The following BICC1 variants were observed in gnomAD, a reference collection of about 807,000 sequenced individuals.
BICC1 encodes the protein BicC family RNA binding protein 1.
A neutral mutation model predicts 111.0 loss-of-function variants in BICC1; 43 were observed. The ratio of observed to expected loss-of-function variants is 0.39; its 90% CI spans 0.30 to 0.50. The LOEUF is 0.50. BICC1 is among the 20% of genes least tolerant of loss of function. The pLI is 0.88. For synonymous variants in BICC1, 467 were observed against 434.4 expected (o/e 1.07, Z -0.93); for missense variants, 1,091 against 1,203.2 (o/e 0.91, Z 1.38).
intron 1 of BICC1, among the ~76,000 whole-genome samples, chr10:58,610,985 T>C (rs1413701830): frequency 6.6e-6 from 1 of 152,220 alleles, no homozygotes; most frequent in Non-Finnish European, 1.5e-5. Flanking sequence ...AAGCCTAAGA[T>C]CTATACCTGG....
intron 3 of BICC1, among the ~76,000 whole-genome samples, chr10:58,780,421 T>TA (rs1481275818): frequency 6.6e-6 from 1 of 152,188 alleles, no homozygotes; most frequent in Non-Finnish European, 1.5e-5. Context: ...GTGGAAGACA[T>TA]ACTGTGAATT....
intron 9 of BICC1, among the ~76,000 whole-genome samples, chr10:58,794,479 T>C (rs1341530720): frequency 6.6e-6 from 1 of 151,186 alleles, no homozygotes; most frequent in African/African-American, 2.4e-5. Flanking sequence ...AGTACAGTGG[T>C]GTGATCGTGG....
intron 3 of BICC1, among the ~76,000 whole-genome samples, chr10:58,755,294 C>T (rs994204743): frequency 2.6e-5 from 4 of 152,148 alleles, no homozygotes; most frequent in Admixed American, 1.3e-4. Flanking sequence ...CTATTTCCTG[C>T]GCTATTGTTT....
intron 1 of BICC1, among the ~76,000 whole-genome samples, chr10:58,616,575 G>T (rs1252197881): frequency 1.3e-5 from 2 of 152,170 alleles, no homozygotes; most frequent in Non-Finnish European, 2.9e-5. Context: ...GCCACATGTG[G>T]AGTTGACAGT....
chr10:58,798,550 A>T lies in BICC1; in HGVS notation c.1518A>T (p.Ser506=), dbSNP rs1843433490. The change falls in exon 11 of 21, where the codon TCA becomes TCT. Residue 506 remains serine (S), a synonymous_variant. Coordinates refer to ENST00000373886, the MANE Select transcript of BICC1 (RefSeq NM_001080512.3). ...TLWAPPLANT[S]SATGFSAIPH... ...GGGCACCCCCACTTGCTAATACTTC[A>T]AGTGCCACAGGTCAGTATCATTTAA... 1 of 1,606,972 alleles carries T rather than the reference A, an allele frequency of 6.2e-7. No homozygotes were observed. The highest frequency in any genetic ancestry group is 1.3e-5 in the African/African-American group (1 of 74,466).
At position 58,784,990 on chromosome 10, in the gene BICC1, C is replaced by A. The variant is rs1047999068; in HGVS notation, c.308-11C>A. On this transcript the variant is annotated splice_polypyrimidine_tract_variant and intron_variant, in intron 3 of 20. Transcript: ENST00000373886. ...GGAGTTTCACACAAGCCTTTTATTTCTTTCTTATAGATCCCCATATTAAGG... is the reference window on the plus strand; with the variant it reads ...GGAGTTTCACACAAGCCTTTTATTTATTTCTTATAGATCCCCATATTAAGG... 1.3e-6 allele frequency: 2 copies of A among 1,497,782 alleles called. No homozygotes were observed. Among genetic ancestry groups the A allele is most frequent in the Middle Eastern group, 1.7e-4 (1 of 5,750 alleles). 92.8% of individuals were successfully genotyped at this position (1,497,782 alleles called of 1,614,324 possible).
chr10:58,638,719 A>G (rs910932498), intron 2 of BICC1, among the ~76,000 whole-genome samples: 1 of 152,216 alleles, frequency 6.6e-6, no homozygotes, highest in African/African-American at 2.4e-5. Context: ...AAGAGCACCA[A>G]TGAGGAGAAA....
At position 58,784,988 on chromosome 10, in the gene BICC1, T is replaced by A. The variant is rs761652604; in HGVS notation, c.308-13T>A. 2.7e-6 allele frequency: 4 copies of A among 1,485,874 alleles called. No individual in the cohort carries two copies. The highest frequency in any genetic ancestry group is 1.8e-6 in the Non-Finnish European group (2 of 1,084,456). 92.0% of individuals were successfully genotyped at this position (1,485,874 alleles called of 1,614,324 possible). A position where few individuals can be genotyped will look rare whatever the true frequency, so the allele number is the denominator to read the frequency against. Reference sequence around the variant, plus strand: ...TGGGAGTTTCACACAAGCCTTTTATTTCTTTCTTATAGATCCCCATATTAA... The same window carrying A: ...TGGGAGTTTCACACAAGCCTTTTATATCTTTCTTATAGATCCCCATATTAA... On this transcript the variant is annotated splice_polypyrimidine_tract_variant and intron_variant, in intron 3 of 20. Coordinates refer to ENST00000373886, the MANE Select transcript of BICC1 (RefSeq NM_001080512.3).
intron 1 of BICC1, among the ~76,000 whole-genome samples, chr10:58,618,111 T>G (rs1845677922): frequency 6.6e-6 from 1 of 151,986 alleles, no homozygotes; most frequent in Non-Finnish European, 1.5e-5. Flanking sequence ...CCTGTGTACC[T>G]AGAGCCTATG....
chr10:58,812,145 GC>G (rs1843927240), intron 17 of BICC1, among the ~76,000 whole-genome samples: 1 of 152,150 alleles, frequency 6.6e-6, no homozygotes, highest in Non-Finnish European at 1.5e-5. Context: ...AATTAAAATG[GC>G]CCTTAGGGAG....
At chr10:58,562,244 T>C (rs1049776335) in intron 1 of BICC1, among the ~76,000 whole-genome samples, 7 of 152,158 alleles carry the variant, frequency 4.6e-5, no homozygotes, top group Non-Finnish European at 1.0e-4. Context: ...GAAAATATGT[T>C]CACTTATTTG....
chr10:58,565,484 A>T (rs1033421706), intron 1 of BICC1, among the ~76,000 whole-genome samples: 10 of 152,158 alleles, frequency 6.6e-5, no homozygotes, highest in Admixed American at 6.5e-5. Context: ...AGAGGGCAAT[A>T]ATCCTCTGAG....
intron 1 of BICC1, among the ~76,000 whole-genome samples, chr10:58,552,406 G>T (rs982779597): frequency 6.6e-5 from 10 of 151,748 alleles, no homozygotes; most frequent in African/African-American, 2.4e-4. Flanking sequence ...TGTGATCTTG[G>T]CTCACTGCAA....
chr10:58,526,750 C>G (rs369979815), intron 1 of BICC1, among the ~76,000 whole-genome samples: 67 of 152,074 alleles, frequency 4.4e-4, no homozygotes, highest in African/African-American at 8.4e-4. Flanking sequence ...CTACCAAGGA[C>G]ATGAACTCAT....
intron 2 of BICC1, among the ~76,000 whole-genome samples, chr10:58,634,948 T>C (rs1245150921): frequency 6.6e-6 from 1 of 152,188 alleles, no homozygotes; most frequent in Non-Finnish European, 1.5e-5. Context: ...ATCCTCATCA[T>C]ATTCATGTTG....
chr10:58,761,050 G>T (rs1589112330), intron 3 of BICC1, among the ~76,000 whole-genome samples: 2 of 152,100 alleles, frequency 1.3e-5, no homozygotes, highest in Middle Eastern at 3.4e-3. Context: ...TAGAGACAGG[G>T]TTTCACCATG....
At chr10:58,771,129 G>A (rs1842613697) in intron 3 of BICC1, among the ~76,000 whole-genome samples, 1 of 152,172 alleles carries the variant, frequency 6.6e-6, no homozygotes, top group Admixed American at 6.5e-5. Context: ...GACTTAGAGT[G>A]AGTTCACAGA....
intron 3 of BICC1, among the ~76,000 whole-genome samples, chr10:58,745,145 A>G (rs1449913768): frequency 6.6e-6 from 1 of 152,102 alleles, no homozygotes; most frequent in Non-Finnish European, 1.5e-5. Flanking sequence ...CAAAACTTCA[A>G]CTTTTAACCA....
intron 17 of BICC1, 102 bp downstream of exon 17, chr10:58,807,260 A>C (rs1843738149): frequency 9.1e-7 from 1 of 1,097,442 alleles, no homozygotes; most frequent in African/African-American, 1.6e-5. Context: ...AGGGAAAATG[A>C]TTAGTGGTGA....
Sources: gnomAD v4.1 joint callset for allele counts (sites outside exome capture counted in the v4.1 genomes callset) on GRCh38, gnomAD v4.1.1 for gene constraint, MANE v1.5 for transcripts, NCBI Gene and HGNC (gene_info 2026-07-23, HGNC 2026-07-21) for gene names.